THOC7: variants seen among roughly 807,000 people sequenced by gnomAD.
THOC7 encodes the protein THO complex subunit 7.
A neutral mutation model predicts 33.1 loss-of-function variants in THOC7; 22 were observed. The observed-to-expected ratio is 0.66, with a 90% CI of 0.47 to 0.95. The LOEUF is 0.95. Ranked by LOEUF, THOC7 falls within the 40% of genes least tolerant of loss-of-function variation. The probability of loss-of-function intolerance (pLI) is 0.00; values close to 1 mark genes in which losing one functional copy is unlikely to be tolerated. For missense variants in THOC7, 184 were observed against 245.3 expected, an observed-to-expected ratio of 0.75 and a Z score of 1.67; for synonymous variants, 77 against 76.8, an observed-to-expected ratio of 1.00 and a Z score of -0.01.
At chr3:63,854,256 A>T (rs1702071128) in intron 1 of THOC7, among the ~76,000 whole-genome samples, 1 of 152,252 alleles carries the variant, frequency 6.6e-6, no homozygotes, top group Non-Finnish European at 1.5e-5. Flanking sequence ...TTCTTTTTAA[A>T]TTTAAAGATG....
intron 1 of THOC7, among the ~76,000 whole-genome samples, chr3:63,858,835 A>G (rs541256692): frequency 6.6e-6 from 1 of 152,216 alleles, no homozygotes; most frequent in South Asian, 2.1e-4. Context: ...TTTTTCACTT[A>G]TAACATGACA....
At chr3:63,863,484 C>T (rs552019552) in intron 1 of THOC7, 2 of 1,171,614 alleles carry the variant, frequency 1.7e-6, no homozygotes, top group Non-Finnish European at 2.1e-6. Context: ...CCCAGCCCAC[C>T]GACCACGCTC....
chr3:63,849,556 T>A (rs550554347), intron 1 of THOC7, among the ~76,000 whole-genome samples: 3 of 152,282 alleles, frequency 2.0e-5, no homozygotes, highest in Admixed American at 2.0e-4. Context: ...AAAATTCTAA[T>A]CTGAGATTCC....
rs1328032785 is a variant in THOC7, at chr3:63,835,374, C to G, written c.427G>C (p.Gly143Arg). Residue 143 changes from glycine to arginine, a missense_variant, in exon 6 of 8, where the codon GGA becomes CGA. By Grantham distance (125) the Gly-to-Arg change is moderately radical. Coordinates refer to ENST00000295899, the MANE Select transcript of THOC7 (RefSeq NM_025075.4). The stretch of plus-strand genomic sequence containing the variant: ...TGTGAAAGATGCTCTAATTCTTTTC[C>G]CAGAGCCTCTAGTTCCCTGGAAATA... ...HETLKELEAL[G>R]KELEHLSHIK... 6.2e-7 allele frequency: 1 copy of G among 1,613,152 alleles called. No homozygotes were observed. Among genetic ancestry groups the G allele is most frequent in the East Asian group, 2.2e-5 (1 of 44,776 alleles).
At chr3:63,854,448 T>C (rs1321214180) in intron 1 of THOC7, among the ~76,000 whole-genome samples, 1 of 152,240 alleles carries the variant, frequency 6.6e-6, no homozygotes, top group African/African-American at 2.4e-5. Context: ...TTAGTAATTC[T>C]GCTGGGCTTT....
At chr3:63,856,120 T>C (rs1318595065) in intron 1 of THOC7, among the ~76,000 whole-genome samples, 1 of 152,142 alleles carries the variant, frequency 6.6e-6, no homozygotes, top group Non-Finnish European at 1.5e-5. Flanking sequence ...AAAAAATTAA[T>C]AGACTATACA....
chr3:63,855,282 A>ATCTG (rs10700076), intron 1 of THOC7, among the ~76,000 whole-genome samples: 122,281 of 151,690 alleles, frequency 0.81, 49,398 homozygotes, highest in South Asian at 0.87. Context: ...CATACAAAAT[A>ATCTG]TCTTTCAAAA....
intron 1 of THOC7, among the ~76,000 whole-genome samples, chr3:63,853,078 G>T (rs535638025): frequency 1.6e-4 from 24 of 151,634 alleles, no homozygotes; most frequent in African/African-American, 5.6e-4. Flanking sequence ...TTGAATCCAG[G>T]AGGTGGAGTT....
chr3:63,863,666 C>T (rs1702298419), intron 1 of THOC7, 106 bp downstream of exon 1: 1 of 1,228,272 alleles, frequency 8.1e-7, no homozygotes, highest in Non-Finnish European at 1.0e-6. Context: ...GGCGAAGAGG[C>T]CGGGGAGGCC....
intron 1 of THOC7, among the ~76,000 whole-genome samples, chr3:63,857,828 T>C (rs1305757844): frequency 6.6e-6 from 1 of 152,212 alleles, no homozygotes; most frequent in Non-Finnish European, 1.5e-5. Context: ...TCCTTTGTCT[T>C]TTCTCTCTAT....
rs1575809618 is a variant in THOC7 at position 63,846,489 on chromosome 3, C to T, written c.20-6716G>A. 2.6e-5 allele frequency among the ~76,000 whole-genome samples: 4 copies of T among 152,218 alleles called. No individual in the cohort carries two copies. The South Asian group carries it at 8.3e-4, about 32-fold the overall frequency. On this transcript the variant is annotated intron_variant, in intron 1 of 7. Transcript: ENST00000295899. Reference sequence around the variant, plus strand: ...AGGGCGCAATCTTGGCTCACCACAACCTTCGTCTCCTGGGTTCAAGCTATT... The same window carrying T: ...AGGGCGCAATCTTGGCTCACCACAATCTTCGTCTCCTGGGTTCAAGCTATT...
At chr3:63,859,669 T>C (rs1025818659) in intron 1 of THOC7, among the ~76,000 whole-genome samples, 3 of 152,264 alleles carry the variant, frequency 2.0e-5, no homozygotes, top group Admixed American at 6.5e-5. Context: ...CACTATGGCT[T>C]CTTTCCCCAA....
chr3:63,850,767 A>T lies in THOC7; in HGVS notation c.20-10994T>A, dbSNP rs185815787. ...ACGCCCAGCTAAATTTTGTATTTTA[A>T]TAGAGATGGAGTTTCACCATGTTGG... On this transcript the variant is annotated intron_variant, in intron 1 of 7. Coordinates refer to ENST00000295899, the MANE Select transcript of THOC7 (RefSeq NM_025075.4). 2.9e-3 allele frequency among the ~76,000 whole-genome samples: 443 copies of T among 151,634 alleles called. 2 individuals carry two copies. The highest frequency in any genetic ancestry group is 5.6e-3 in the Non-Finnish European group (381 of 67,900).
intron 3 of THOC7, 151 bp downstream of exon 3, chr3:63,838,221 C>G (rs1168840800): frequency 1.1e-6 from 1 of 901,764 alleles, no homozygotes; most frequent in Non-Finnish European, 1.6e-6. Context: ...TCTTAGAATA[C>G]ACATTTTTTA....
At chr3:63,841,114 A>G (rs139222080) in intron 1 of THOC7, among the ~76,000 whole-genome samples, 3,210 of 152,354 alleles carry the variant, frequency 0.021, 65 homozygotes, top group South Asian at 0.075. Context: ...ACTGATACCA[A>G]AAAACTCTCC....
intron 2 of THOC7, 66 bp downstream of exon 2, chr3:63,839,590 A>T: frequency 7.6e-7 from 1 of 1,316,324 alleles, no homozygotes; most frequent in Non-Finnish European, 1.1e-6. Flanking sequence ...TACTCACAGG[A>T]CCTTAATATA....
At chr3:63,850,149 T>C (rs1004637875) in intron 1 of THOC7, among the ~76,000 whole-genome samples, 11 of 152,208 alleles carry the variant, frequency 7.2e-5, no homozygotes, top group African/African-American at 2.2e-4. Flanking sequence ...GATAATGCTA[T>C]ACAGTTTCAC....
chr3:63,851,111 C>T (rs1348286616), intron 1 of THOC7, among the ~76,000 whole-genome samples: 1 of 152,164 alleles, frequency 6.6e-6, no homozygotes, highest in Non-Finnish European at 1.5e-5. Flanking sequence ...ATGTTTTCCA[C>T]CTGCTAATCA....
chr3:63,863,746 G>A lies in THOC7; in HGVS notation c.19+26C>T, dbSNP rs995798591. 72 of 1,250,098 alleles carry A rather than the reference G, an allele frequency of 5.8e-5. No homozygotes were observed. The African/African-American group carries it at 1.0e-3, about 18-fold the overall frequency. 77.4% of individuals were successfully genotyped at this position (1,250,098 alleles called of 1,614,324 possible). ...AGGCCCAGCGGGCCGTGCAGCGGGC[G>A]CGTGTGGCGGCGAGCGGGGCCTCAC... On this transcript the variant is annotated intron_variant, in intron 1 of 7. Coordinates refer to ENST00000295899, the MANE Select transcript of THOC7 (RefSeq NM_025075.4).
Sources: allele counts gnomAD v4.1 joint callset (sites outside exome capture counted in the v4.1 genomes callset), GRCh38; gene constraint gnomAD v4.1.1; transcripts MANE v1.5; gene names NCBI Gene and HGNC (gene_info 2026-07-23, HGNC 2026-07-21).